The following AMMECR1 variants were observed in gnomAD, a reference collection of about 807,000 sequenced individuals.
AMMECR1 encodes the protein AMMECR nuclear protein 1, also known as nuclear protein AMMECR1.
Under a neutral mutation model 22.5 loss-of-function variants are expected in AMMECR1, and 3 were observed. The observed-to-expected ratio is 0.13, with a 90% CI of 0.06 to 0.35. The LOEUF (loss-of-function observed/expected upper bound fraction) is 0.35. AMMECR1 is among the 10% of genes least tolerant of loss of function. AMMECR1 has a pLI of 1.00. For missense variants in AMMECR1, 235 were observed against 278.7 expected, an observed-to-expected ratio of 0.84 and a Z score of 1.12; for synonymous variants, 130 against 116.7, an observed-to-expected ratio of 1.11 and a Z score of -0.74.
rs182189424 is a variant in AMMECR1 at position 110,221,401 on chromosome X, C to T, written c.585-4769G>A. Among the ~76,000 whole-genome samples, 15 of 111,271 alleles carry T rather than the reference C, an allele frequency of 1.3e-4. No individual in the cohort carries two copies. In the East Asian group the frequency reaches 3.1e-3, roughly 23 times the overall value. On this transcript the variant is annotated intron_variant, in intron 2 of 5. Coordinates refer to ENST00000262844, the MANE Select transcript of AMMECR1 (RefSeq NM_015365.3). Reference sequence around the variant, plus strand: ...AGCAATTTTAGCTTTCTAAAATTCACGAAGTAATGGACACAAAACAAAATG... The same window carrying T: ...AGCAATTTTAGCTTTCTAAAATTCATGAAGTAATGGACACAAAACAAAATG...
chrX:110,382,192 G>C (rs1347668854), intron 2 of AMMECR1, among the ~76,000 whole-genome samples: 1 of 111,342 alleles, frequency 9.0e-6, no homozygotes, highest in African/African-American at 3.3e-5. Context: ...AGAAGGCCAT[G>C]TGGAAAAAAA....
intron 1 of AMMECR1, among the ~76,000 whole-genome samples, chrX:110,288,042 G>C (rs962645107): frequency 8.9e-6 from 1 of 112,123 alleles, no homozygotes; most frequent in Non-Finnish European, 1.9e-5. Context: ...TAAGAAAATA[G>C]CTATGAATGA....
intron 2 of AMMECR1, among the ~76,000 whole-genome samples, chrX:110,366,336 A>G (rs771867879): frequency 8.9e-6 from 1 of 111,928 alleles, no homozygotes; most frequent in African/African-American, 3.3e-5. Flanking sequence ...AGTCCTTAAT[A>G]GGTCAACAGG....
intron 1 of AMMECR1, among the ~76,000 whole-genome samples, chrX:110,272,901 T>G (rs1199907357): frequency 8.9e-6 from 1 of 112,139 alleles, no homozygotes; most frequent in South Asian, 3.7e-4. Flanking sequence ...TATTCTTTAT[T>G]TAGTCAATTG....
intron 2 of AMMECR1, among the ~76,000 whole-genome samples, chrX:110,392,227 C>T (rs892810537): frequency 1.8e-5 from 2 of 109,983 alleles, no homozygotes; most frequent in Non-Finnish European, 3.8e-5. Flanking sequence ...GGGTCCAGAA[C>T]CCAAAATGTA....
rs560928550 is a variant in AMMECR1 at position 110,352,264 on chromosome X, A to T, written c.-147-34415T>A. On this transcript the variant is annotated intron_variant, in intron 2 of 7. Coordinates refer to the AMMECR1 transcript ENST00000372057. Reference sequence around the variant, plus strand: ...AATACATGTTCACACAAAAACTTGGATATGAATGTTCATGGCTGCATTATA... The same window carrying T: ...AATACATGTTCACACAAAAACTTGGTTATGAATGTTCATGGCTGCATTATA... Among the ~76,000 whole-genome samples the T allele has an allele frequency of 2.6e-4, 29 of 112,433 alleles. 1 individual carries two copies. The South Asian group carries it at 0.01, about 40-fold the overall frequency.
chrX:110,239,935 G>T (rs2067622010), intron 2 of AMMECR1, among the ~76,000 whole-genome samples: 1 of 111,710 alleles, frequency 9.0e-6, no homozygotes, highest in Non-Finnish European at 1.9e-5. Flanking sequence ...TTTCAATGCA[G>T]AATTTCATAT....
intron 2 of AMMECR1, among the ~76,000 whole-genome samples, chrX:110,386,121 T>A (rs1044472231): frequency 1.8e-5 from 2 of 111,024 alleles, no homozygotes; most frequent in Non-Finnish European, 3.8e-5. Flanking sequence ...TAAAGATATG[T>A]TTTTAAATCT....
chrX:110,400,957 G>A (rs1344638421), intron 2 of AMMECR1, among the ~76,000 whole-genome samples: 2 of 112,047 alleles, frequency 1.8e-5, no homozygotes, highest in African/African-American at 6.5e-5. Context: ...TTTCTTCCAA[G>A]AGGTGGTGAG....
At position 110,394,795 on chromosome X, in the gene AMMECR1, A is replaced by T. The variant is rs189772413; in HGVS notation, c.-148+31863T>A. Reference sequence around the variant, plus strand: ...TCTGCCTCTTCAACTGGAAAATGGAATCTGTAAGTTGCAGCACTAGCTTCT... The same window carrying T: ...TCTGCCTCTTCAACTGGAAAATGGATTCTGTAAGTTGCAGCACTAGCTTCT... On this transcript the variant is annotated intron_variant, in intron 2 of 7. Coordinates refer to the AMMECR1 transcript ENST00000372057. 2.7e-5 allele frequency among the ~76,000 whole-genome samples: 3 copies of T among 112,586 alleles called. No homozygotes were observed. In the East Asian group the frequency reaches 8.5e-4, roughly 32 times the overall value.
chrX:110,196,169 A>G lies in AMMECR1; in HGVS notation c.*2351T>C, dbSNP rs2067368841. 9.1e-6 allele frequency: 1 copy of G among 110,323 alleles called. No individual in the cohort carries two copies. The highest frequency in any genetic ancestry group is 9.5e-5 in the Admixed American group (1 of 10,512). The allele number at this position is 110,323 out of a possible 1,213,427, so 9.1% of individuals were successfully genotyped here. A position where few individuals can be genotyped will look rare whatever the true frequency, so the allele number is the denominator to read the frequency against. ...GATTGATTAGCACCGTTAAATAAAC[A>G]CACATATATGTATGTATGTATGTGT... On this transcript the variant is annotated 3_prime_UTR_variant, in exon 6 of 6. Transcript: ENST00000262844.
chrX:110,417,068 C>G (rs1029621806), intron 2 of AMMECR1, among the ~76,000 whole-genome samples: 6 of 112,191 alleles, frequency 5.3e-5, no homozygotes, highest in African/African-American at 1.9e-4. Flanking sequence ...TCAGGATAGC[C>G]CCCTTCAAAG....
At chrX:110,293,604 G>C (rs944477884) in intron 1 of AMMECR1, among the ~76,000 whole-genome samples, 1 of 110,960 alleles carries the variant, frequency 9.0e-6, no homozygotes, top group African/African-American at 3.3e-5. Context: ...TATAAACCCA[G>C]ACACAGAAGG....
chrX:110,213,196 CACT>C (rs762193890), intron 3 of AMMECR1, among the ~76,000 whole-genome samples: 47 of 111,879 alleles, frequency 4.2e-4, no homozygotes, highest in Non-Finnish European at 7.3e-4. Flanking sequence ...CAACCACCAC[CACT>C]ATCTGGTTCC....
At chrX:110,387,927 T>C (rs973043561) in intron 2 of AMMECR1, among the ~76,000 whole-genome samples, 5 of 103,365 alleles carry the variant, frequency 4.8e-5, no homozygotes, top group Non-Finnish European at 9.8e-5. Context: ...GGTGGTGCGA[T>C]CTTGGCTCAC....
intron 2 of AMMECR1, among the ~76,000 whole-genome samples, chrX:110,237,256 C>G (rs957441257): frequency 3.6e-5 from 4 of 110,215 alleles, no homozygotes; most frequent in African/African-American, 1.3e-4. Flanking sequence ...TGAACATGGG[C>G]CTAAAGAAAA....
intron 2 of AMMECR1, among the ~76,000 whole-genome samples, chrX:110,393,422 T>G (rs752734566): frequency 8.9e-6 from 1 of 111,976 alleles, no homozygotes; most frequent in Non-Finnish European, 1.9e-5. Flanking sequence ...ACAAGGCAGA[T>G]ACTATTATCT....
chrX:110,216,272 G>A (rs929739725), intron 3 of AMMECR1, among the ~76,000 whole-genome samples: 20 of 111,512 alleles, frequency 1.8e-4, no homozygotes, highest in African/African-American at 6.5e-4. Flanking sequence ...GAGGTGCTTT[G>A]GTGAGGTAGT....
intron 2 of AMMECR1, among the ~76,000 whole-genome samples, chrX:110,329,151 G>A (rs915603413): frequency 8.9e-5 from 10 of 112,080 alleles, no homozygotes; most frequent in Admixed American, 1.9e-4. Context: ...TTTACTGATC[G>A]CCATTCTAAG....
Sources: gnomAD v4.1 joint callset for allele counts (sites outside exome capture counted in the v4.1 genomes callset) on GRCh38, gnomAD v4.1.1 for gene constraint, MANE v1.5 for transcripts, NCBI Gene and HGNC (gene_info 2026-07-23, HGNC 2026-07-21) for gene names.